The following TMEM132D variants were observed in gnomAD, a reference collection of about 807,000 sequenced individuals.
The protein encoded by TMEM132D is mature OL transmembrane protein.
A neutral mutation model predicts 62.3 loss-of-function variants in TMEM132D; 21 were observed. The ratio of observed to expected loss-of-function variants is 0.34; its 90% CI spans 0.24 to 0.49. TMEM132D has a LOEUF of 0.49. Ranked by LOEUF, TMEM132D falls within the 20% of genes least tolerant of loss-of-function variation. The pLI is 0.99. For synonymous variants in TMEM132D, 621 were observed against 575.6 expected (o/e 1.08, Z -1.13); for missense variants, 1,346 against 1,402.8 (o/e 0.96, Z 0.65).
intron 3 of TMEM132D, among the ~76,000 whole-genome samples, chr12:129,462,485 A>G (rs1873710898): frequency 6.6e-6 from 1 of 152,236 alleles, no homozygotes; most frequent in African/African-American, 2.4e-5. Context: ...TCACATATGT[A>G]AGATAAAAAT....
intron 4 of TMEM132D, among the ~76,000 whole-genome samples, chr12:129,251,500 C>G (rs1316629053): frequency 2.0e-5 from 3 of 152,040 alleles, no homozygotes; most frequent in Admixed American, 2.0e-4. Context: ...TAAAGTGTTC[C>G]TGTTTGCCTG....
Position 129,405,601 on chromosome 12 carries a change from GGGA to G in TMEM132D, c.1116-67787_1116-67785del, listed in dbSNP as rs1367532224. Among the ~76,000 whole-genome samples, 7 of 152,256 alleles carry G rather than the reference GGGA, an allele frequency of 4.6e-5. No homozygotes were observed. In the South Asian group the frequency reaches 6.2e-4, roughly 14 times the overall value. On this transcript the variant is annotated intron_variant, in intron 3 of 8. Coordinates refer to ENST00000422113, the MANE Select transcript of TMEM132D (RefSeq NM_133448.3). ...TGTAGTGTGGACTAGGGGTGCTGTT[GGGA>G]GGAGATGATGAATAGCAGACTTGGG...
chr12:129,320,888 G>A (rs934494867), intron 4 of TMEM132D, among the ~76,000 whole-genome samples: 7 of 152,048 alleles, frequency 4.6e-5, no homozygotes, highest in Non-Finnish European at 7.4e-5. Flanking sequence ...AAGGACATGC[G>A]AAAGAGGAGT....
intron 1 of TMEM132D, among the ~76,000 whole-genome samples, chr12:129,874,700 C>CTTTTTTTTTT (rs71085583): frequency 2.5e-5 from 3 of 117,908 alleles, no homozygotes; most frequent in Admixed American, 9.8e-5. Context: ...TCACATTTTT[C>CTTTTTTTTTT]TTTTTTTTTT....
chr12:129,714,638 TA>T, intron 1 of TMEM132D, among the ~76,000 whole-genome samples: 1 of 152,358 alleles, frequency 6.6e-6, no homozygotes, highest in East Asian at 1.9e-4. Context: ...TTGATTTTGG[TA>T]ATATTTCACA....
intron 4 of TMEM132D, among the ~76,000 whole-genome samples, chr12:129,303,580 G>A (rs377660547): frequency 1.4e-5 from 2 of 143,904 alleles, no homozygotes; most frequent in Admixed American, 7.0e-5. Context: ...ATCACTCGCC[G>A]GGACTCTGCA....
At chr12:129,355,833 A>T (rs1870023759) in intron 3 of TMEM132D, among the ~76,000 whole-genome samples, 1 of 152,186 alleles carries the variant, frequency 6.6e-6, no homozygotes, top group Admixed American at 6.5e-5. Context: ...CAAAGAGCCT[A>T]AAGTGCCTGA....
intron 2 of TMEM132D, among the ~76,000 whole-genome samples, chr12:129,562,710 T>G (rs1235728347): frequency 6.6e-6 from 1 of 152,142 alleles, no homozygotes; most frequent in Non-Finnish European, 1.5e-5. Flanking sequence ...TTAACCACTG[T>G]TCTCCCTGCC....
intron 1 of TMEM132D, among the ~76,000 whole-genome samples, chr12:129,876,115 A>G (rs1447553080): frequency 6.6e-6 from 1 of 152,218 alleles, no homozygotes; most frequent in Non-Finnish European, 1.5e-5. Flanking sequence ...CAGAAACAAG[A>G]CATATAAATA....
intron 5 of TMEM132D, among the ~76,000 whole-genome samples, chr12:129,144,619 C>A (rs1876836483): frequency 6.6e-6 from 1 of 152,136 alleles, no homozygotes; most frequent in East Asian, 1.9e-4. Flanking sequence ...TTGAGTCATC[C>A]CACATGAGAC....
intron 2 of TMEM132D, among the ~76,000 whole-genome samples, chr12:129,689,135 A>G (rs754617981): frequency 6.6e-6 from 1 of 152,164 alleles, no homozygotes; most frequent in Non-Finnish European, 1.5e-5. Flanking sequence ...TGAGAAACCT[A>G]TTCTACTCAA....
intron 3 of TMEM132D, among the ~76,000 whole-genome samples, chr12:129,502,332 T>C (rs917418639): frequency 1.3e-5 from 2 of 152,174 alleles, no homozygotes; most frequent in African/African-American, 2.4e-5. Flanking sequence ...TTCGCTACCA[T>C]TGCTACCATC....
intron 1 of TMEM132D, among the ~76,000 whole-genome samples, chr12:129,822,899 A>T (rs557099663): frequency 1.3e-5 from 2 of 152,282 alleles, no homozygotes; most frequent in Non-Finnish European, 2.9e-5. Flanking sequence ...TCACACTGAC[A>T]TGGTTTGGCT....
At chr12:129,429,478 C>T (rs1872591547) in intron 3 of TMEM132D, among the ~76,000 whole-genome samples, 1 of 152,112 alleles carries the variant, frequency 6.6e-6, no homozygotes, top group African/African-American at 2.4e-5. Flanking sequence ...GGAGCTGGTG[C>T]CTTGGCTTCC....
chr12:129,581,719 T>A (rs1877869477), intron 2 of TMEM132D, among the ~76,000 whole-genome samples: 1 of 152,196 alleles, frequency 6.6e-6, no homozygotes, highest in South Asian at 2.1e-4. Context: ...AGACTGAGCG[T>A]GGGTCTGCCT....
At chr12:129,438,405 T>G (rs936798470) in intron 3 of TMEM132D, among the ~76,000 whole-genome samples, 1 of 152,214 alleles carries the variant, frequency 6.6e-6, no homozygotes, top group Non-Finnish European at 1.5e-5. Context: ...TAATGTGTTG[T>G]ATATTCATAT....
chr12:129,274,714 G>T (rs968101654), intron 4 of TMEM132D, among the ~76,000 whole-genome samples: 2 of 151,946 alleles, frequency 1.3e-5, no homozygotes, highest in African/African-American at 4.8e-5. Context: ...GTGAAACCCC[G>T]TCTCTACTAA....
chr12:129,153,247 C>T (rs983200083), intron 5 of TMEM132D, among the ~76,000 whole-genome samples: 9 of 152,086 alleles, frequency 5.9e-5, no homozygotes, highest in Non-Finnish European at 1.2e-4. Flanking sequence ...AGGAGTCAGC[C>T]GCGATAGAAT....
intron 1 of TMEM132D, among the ~76,000 whole-genome samples, chr12:129,791,359 C>G (rs1316771299): frequency 6.6e-6 from 1 of 152,180 alleles, no homozygotes; most frequent in African/African-American, 2.4e-5. Context: ...AAATGGACCT[C>G]TAACAATTTT....
Sources: gnomAD v4.1 joint callset for allele counts (sites outside exome capture counted in the v4.1 genomes callset) on GRCh38, gnomAD v4.1.1 for gene constraint, MANE v1.5 for transcripts, NCBI Gene and HGNC (gene_info 2026-07-23, HGNC 2026-07-21) for gene names.